The following KCNH8 variants were observed in gnomAD, a reference collection of about 807,000 sequenced individuals.
KCNH8 encodes potassium voltage-gated channel subfamily H member 8.
In KCNH8, 70 loss-of-function variants were observed where a neutral mutation model predicts 103.6. The observed-to-expected ratio is 0.68, with a 90% CI of 0.56 to 0.82. KCNH8 has a LOEUF of 0.82. Ranked by LOEUF, KCNH8 falls within the 40% of genes least tolerant of loss-of-function variation. The probability of loss-of-function intolerance (pLI) is 0.00; values close to 1 mark genes in which losing one functional copy is unlikely to be tolerated. For synonymous variants in KCNH8, 498 were observed against 489.4 expected (o/e 1.02, Z -0.23); for missense variants, 1,217 against 1,329.9 (o/e 0.92, Z 1.32).
intron 3 of KCNH8, among the ~76,000 whole-genome samples, chr3:19,313,413 A>G (rs2065231654): frequency 1.3e-5 from 2 of 151,938 alleles, no homozygotes; most frequent in South Asian, 4.1e-4. Context: ...CAGCTACAGT[A>G]TAAAATAATT....
chr3:19,397,663 T>C (rs2066544092), intron 7 of KCNH8, among the ~76,000 whole-genome samples: 1 of 151,744 alleles, frequency 6.6e-6, no homozygotes, highest in Non-Finnish European at 1.5e-5. Flanking sequence ...AAATAATTGA[T>C]AATCTTACTC....
intron 7 of KCNH8, among the ~76,000 whole-genome samples, chr3:19,401,247 G>T (rs900856775): frequency 6.6e-6 from 1 of 151,898 alleles, no homozygotes; most frequent in African/African-American, 2.4e-5. Context: ...GGGTGGCAAG[G>T]TTTTTAAAAT....
intron 3 of KCNH8, among the ~76,000 whole-genome samples, chr3:19,300,073 A>AC (rs1327314552): frequency 6.6e-6 from 1 of 151,878 alleles, no homozygotes; most frequent in African/African-American, 2.4e-5. Flanking sequence ...ACATGGCGAA[A>AC]CCCCATCTCT....
At chr3:19,352,503 T>A (rs1051183838) in intron 5 of KCNH8, among the ~76,000 whole-genome samples, 17 of 152,032 alleles carry the variant, frequency 1.1e-4, no homozygotes, top group African/African-American at 1.4e-4. Flanking sequence ...CCTCAGCAAA[T>A]GCAAAAGAAC....
intron 3 of KCNH8, among the ~76,000 whole-genome samples, chr3:19,329,861 AGTCCCT>A (rs1012016310): frequency 6.6e-6 from 1 of 152,040 alleles, no homozygotes; most frequent in African/African-American, 2.4e-5. Context: ...TCCCATGTGC[AGTCCCT>A]GTCCCCCGTC....
At chr3:19,460,921 C>T (rs2067615302) in intron 11 of KCNH8, among the ~76,000 whole-genome samples, 1 of 152,140 alleles carries the variant, frequency 6.6e-6, no homozygotes, top group Non-Finnish European at 1.5e-5. Flanking sequence ...TAAAGAAGGA[C>T]GTGTTTGCTT....
chr3:19,278,630 C>CT (rs924509129), intron 2 of KCNH8, among the ~76,000 whole-genome samples: 1 of 152,044 alleles, frequency 6.6e-6, no homozygotes, highest in Non-Finnish European at 1.5e-5. Context: ...CTCTCATAAA[C>CT]TTTTTTGTCA....
chr3:19,172,437 G>A (rs2125194944), intron 1 of KCNH8, among the ~76,000 whole-genome samples: 1 of 152,112 alleles, frequency 6.6e-6, no homozygotes, highest in East Asian at 1.9e-4. Context: ...AAGTGTGAAA[G>A]AAGAATAATA....
At position 19,480,061 on chromosome 3, in the gene KCNH8, AT is replaced by A. The variant is rs1308778197; in HGVS notation, c.2040+23081del. On this transcript the variant is annotated intron_variant, in intron 11 of 15. Transcript: ENST00000328405. ...CATTTAGTGTCTTATGAGATTCCTTATTGAGAGGACATTCTCAGACTCAAAC... is the reference window on the plus strand; with the variant it reads ...CATTTAGTGTCTTATGAGATTCCTTATGAGAGGACATTCTCAGACTCAAAC... Among the ~76,000 whole-genome samples the A allele has an allele frequency of 3.3e-5, 5 of 152,310 alleles. No individual in the cohort carries two copies. In the East Asian group the frequency reaches 9.6e-4, roughly 29 times the overall value.
intron 5 of KCNH8, among the ~76,000 whole-genome samples, chr3:19,367,389 T>C (rs1206793276): frequency 7.0e-6 from 1 of 143,008 alleles, no homozygotes; most frequent in East Asian, 2.1e-4. Context: ...ACTCTCTCTC[T>C]CTCTCTATAT....
At position 19,441,670 on chromosome 3, in the gene KCNH8, A is replaced by AAAG. The variant is rs535293568; in HGVS notation, c.1375+3309_1375+3310insAAG. ...TGAAGTCTACCTTGATCAAGTAAGC[A>AAAG]TTCTTCTTAGGCTAAAGTTCTGTTA... On this transcript the variant is annotated intron_variant, in intron 8 of 15. Coordinates refer to ENST00000328405, the MANE Select transcript of KCNH8 (RefSeq NM_144633.3). 2.6e-3 allele frequency among the ~76,000 whole-genome samples: 397 copies of AAAG among 152,332 alleles called. 4 individuals are homozygous for AAAG. Among genetic ancestry groups the AAAG allele is most frequent in the African/African-American group, 9.1e-3 (378 of 41,572 alleles).
chr3:19,470,477 C>G (rs567242995), intron 11 of KCNH8, among the ~76,000 whole-genome samples: 4 of 152,156 alleles, frequency 2.6e-5, no homozygotes, highest in Non-Finnish European at 5.9e-5. Flanking sequence ...TAAATAGGAG[C>G]AGAGTAAGGT....
intron 3 of KCNH8, among the ~76,000 whole-genome samples, chr3:19,331,331 C>T (rs1007327145): frequency 2.7e-5 from 4 of 150,926 alleles, no homozygotes; most frequent in Admixed American, 6.6e-5. Context: ...CTTGCTCTGT[C>T]GCCAGGCTGG....
intron 11 of KCNH8, among the ~76,000 whole-genome samples, chr3:19,473,339 A>G (rs1177512175): frequency 6.6e-6 from 1 of 152,226 alleles, no homozygotes; most frequent in African/African-American, 2.4e-5. Context: ...TAGGAAAGAC[A>G]TCTGATTAAC....
chr3:19,336,323 A>G (rs574208577), intron 3 of KCNH8, among the ~76,000 whole-genome samples: 1 of 151,918 alleles, frequency 6.6e-6, no homozygotes, highest in South Asian at 2.1e-4. Context: ...AAAAAATTAT[A>G]CAAAAATTTA....
chr3:19,477,334 G>C (rs573380559), intron 11 of KCNH8, among the ~76,000 whole-genome samples: 58 of 151,702 alleles, frequency 3.8e-4, no homozygotes, highest in African/African-American at 8.5e-4. Context: ...TATCAATAAA[G>C]TATAATTAAT....
At chr3:19,337,488 C>T (rs144413082) in intron 3 of KCNH8, among the ~76,000 whole-genome samples, 2 of 152,076 alleles carry the variant, frequency 1.3e-5, no homozygotes, top group South Asian at 2.1e-4. Flanking sequence ...ACTACCTCCT[C>T]CTCTTGTATT....
At chr3:19,376,455 G>T (rs550252452) in intron 5 of KCNH8, among the ~76,000 whole-genome samples, 1 of 152,188 alleles carries the variant, frequency 6.6e-6, no homozygotes, top group African/African-American at 2.4e-5. Flanking sequence ...CCCTGCTTCG[G>T]CTCATGCACG....
chr3:19,252,549 C>T (rs1470921397), intron 1 of KCNH8, among the ~76,000 whole-genome samples: 2 of 151,878 alleles, frequency 1.3e-5, no homozygotes, highest in Non-Finnish European at 2.9e-5. Context: ...ACCACCATGC[C>T]GGGCTAATTT....
Sources: gnomAD v4.1 joint callset for allele counts (sites outside exome capture counted in the v4.1 genomes callset) on GRCh38, gnomAD v4.1.1 for gene constraint, MANE v1.5 for transcripts, NCBI Gene and HGNC (gene_info 2026-07-23, HGNC 2026-07-21) for gene names.